GRAMD1B: variants seen among roughly 807,000 people sequenced by gnomAD.
GRAMD1B encodes protein Aster-B.
In GRAMD1B, 37 loss-of-function variants were observed where a neutral mutation model predicts 99.7. That is an observed-to-expected ratio of 0.37 (90% CI 0.29 to 0.49). The LOEUF is 0.49. Among genes scored for constraint, GRAMD1B ranks in the 20% least tolerant of loss-of-function variants. GRAMD1B has a pLI of 0.98. For missense variants in GRAMD1B, 888 were observed against 1,009.2 expected, an observed-to-expected ratio of 0.88 and a Z score of 1.63; for synonymous variants, 427 against 387.6, an observed-to-expected ratio of 1.10 and a Z score of -1.19.
chr11:123,530,490 C>T (rs533039146), intron 2 of GRAMD1B, among the ~76,000 whole-genome samples: 2 of 152,310 alleles, frequency 1.3e-5, no homozygotes, highest in African/African-American at 4.8e-5. Flanking sequence ...AAGTGATTCT[C>T]CTGCCTCAGC....
At chr11:123,512,852 A>G (rs1941179144) in intron 2 of GRAMD1B, among the ~76,000 whole-genome samples, 1 of 151,982 alleles carries the variant, frequency 6.6e-6, no homozygotes, top group Non-Finnish European at 1.5e-5. Context: ...TGGTAGGCAG[A>G]ATTTTGTATC....
At chr11:123,581,993 C>T (rs1949406118) in intron 3 of GRAMD1B, among the ~76,000 whole-genome samples, 1 of 152,230 alleles carries the variant, frequency 6.6e-6, no homozygotes, top group African/African-American at 2.4e-5. Flanking sequence ...TTCCTCCCAG[C>T]GTCTTACACG....
intron 2 of GRAMD1B, among the ~76,000 whole-genome samples, chr11:123,513,595 T>C (rs1213499320): frequency 2.0e-5 from 2 of 97,596 alleles, no homozygotes; most frequent in Admixed American, 1.1e-4. Context: ...CCTTCCTTCC[T>C]TCCTTCCTTC....
intron 3 of GRAMD1B, chr11:123,578,422 C>G (rs1240852417): frequency 6.5e-7 from 1 of 1,532,356 alleles, no homozygotes; most frequent in Admixed American, 2.0e-5. Context: ...TCACAAGCGC[C>G]TCTCAAAAGT....
chr11:123,362,991 G>A (rs1449485972), intron 1 of GRAMD1B, among the ~76,000 whole-genome samples: 1 of 152,158 alleles, frequency 6.6e-6, no homozygotes, highest in Admixed American at 6.5e-5. Flanking sequence ...GCAAGCCAAA[G>A]AGGAGGAGGG....
intron 1 of GRAMD1B, among the ~76,000 whole-genome samples, chr11:123,383,945 A>G (rs1001710082): frequency 2.0e-5 from 3 of 151,922 alleles, no homozygotes; most frequent in Admixed American, 6.6e-5. Flanking sequence ...ATCTCAGCTC[A>G]CTGCAACCTC....
chr11:123,360,488 A>T (rs1047394244), intron 1 of GRAMD1B, among the ~76,000 whole-genome samples: 1 of 152,200 alleles, frequency 6.6e-6, no homozygotes, highest in East Asian at 1.9e-4. Context: ...CTGGTGTTCA[A>T]GAGATCCAGG....
chr11:123,389,887 T>G (rs1947210996), intron 1 of GRAMD1B, among the ~76,000 whole-genome samples: 2 of 151,932 alleles, frequency 1.3e-5, no homozygotes, highest in South Asian at 4.2e-4. Flanking sequence ...CTGTGATTAC[T>G]GGGATTACAA....
intron 1 of GRAMD1B, among the ~76,000 whole-genome samples, chr11:123,363,006 G>GA (rs1477483090): frequency 6.6e-6 from 1 of 152,014 alleles, no homozygotes; most frequent in African/African-American, 2.4e-5. Flanking sequence ...GGAGGGAGAG[G>GA]AAACAGATGG....
At chr11:123,378,529 T>C (rs1946766323) in intron 1 of GRAMD1B, among the ~76,000 whole-genome samples, 1 of 152,220 alleles carries the variant, frequency 6.6e-6, no homozygotes, top group Non-Finnish European at 1.5e-5. Context: ...TTCATGAGTA[T>C]AATCTCAAGC....
At chr11:123,404,612 T>A (rs1947789370) in intron 1 of GRAMD1B, among the ~76,000 whole-genome samples, 1 of 152,228 alleles carries the variant, frequency 6.6e-6, no homozygotes, top group Admixed American at 6.5e-5. Flanking sequence ...AGGGTAGTAC[T>A]CTTCTGCCTC....
At chr11:123,509,720 C>T (rs966536686) in intron 2 of GRAMD1B, among the ~76,000 whole-genome samples, 1 of 152,258 alleles carries the variant, frequency 6.6e-6, no homozygotes, top group Non-Finnish European at 1.5e-5. Flanking sequence ...CCTCAGGGTT[C>T]CCCTGATGGA....
At chr11:123,586,131 G>A (rs1316331201) in intron 4 of GRAMD1B, among the ~76,000 whole-genome samples, 1 of 152,118 alleles carries the variant, frequency 6.6e-6, no homozygotes, top group Non-Finnish European at 1.5e-5. Context: ...ACTCAGCATA[G>A]CGATGGGGTA....
intron 2 of GRAMD1B, among the ~76,000 whole-genome samples, chr11:123,564,904 C>T (rs1947177442): frequency 2.0e-5 from 3 of 152,180 alleles, no homozygotes; most frequent in Admixed American, 6.5e-5. Context: ...AGTTTAGCGC[C>T]TTTCTGCTTT....
At chr11:123,585,105 C>T (rs1199662846) in intron 4 of GRAMD1B, among the ~76,000 whole-genome samples, 1 of 152,230 alleles carries the variant, frequency 6.6e-6, no homozygotes, top group East Asian at 1.9e-4. Flanking sequence ...CCCTCTTTGC[C>T]TCTCTGAGCC....
chr11:123,598,811 C>T, intron 7 of GRAMD1B: 1 of 1,093,234 alleles, frequency 9.1e-7, no homozygotes. Context: ...CAAATTCAGC[C>T]TGAATCTTCC....
Position 123,431,074 on chromosome 11 carries a change from C to T in GRAMD1B, c.282C>T (p.Asn94=). ...PSSDEDTPWS[N]CSTPSASPRR... The stretch of plus-strand genomic sequence containing the variant: ...GCGACGAGGACACCCCGTGGTCCAA[C>T]TGCTCCACACCCAGCGCGTCCCCGC... The change falls in exon 1 of 20, where the codon AAC becomes AAT. Residue 94 remains asparagine, a synonymous_variant. Coordinates refer to ENST00000635736, the MANE Select transcript of GRAMD1B (RefSeq NM_001387025.1). The T allele has an allele frequency of 1.4e-6, 1 of 703,064 alleles. No homozygotes were observed. 43.6% of individuals were successfully genotyped at this position (703,064 alleles called of 1,614,324 possible). A position where few individuals can be genotyped will look rare whatever the true frequency, so the allele number is the denominator to read the frequency against.
chr11:123,555,209 G>A (rs1946056740), intron 2 of GRAMD1B, among the ~76,000 whole-genome samples: 1 of 152,206 alleles, frequency 6.6e-6, no homozygotes, highest in Admixed American at 6.5e-5. Context: ...GGCAATACAT[G>A]GATACGTAGC....
chr11:123,542,608 T>G (rs1944642925), intron 2 of GRAMD1B, among the ~76,000 whole-genome samples: 1 of 152,108 alleles, frequency 6.6e-6, no homozygotes. Flanking sequence ...TGGAATGAGG[T>G]CATTCTATGC....
Sources: gnomAD v4.1 joint callset for allele counts (sites outside exome capture counted in the v4.1 genomes callset) on GRCh38, gnomAD v4.1.1 for gene constraint, MANE v1.5 for transcripts, NCBI Gene and HGNC (gene_info 2026-07-23, HGNC 2026-07-21) for gene names.